Variants in SP140L observed in about 807,000 individuals in gnomAD.
SP140L encodes the protein nuclear body protein SP140-like protein.
SP140L carries 64 observed loss-of-function variants against 84.3 expected under a neutral mutation model. That is an observed-to-expected ratio of 0.76 (90% CI 0.62 to 0.94). The LOEUF (loss-of-function observed/expected upper bound fraction) is 0.94, where lower values mean the gene tolerates loss of function less well. Among genes scored for constraint, SP140L ranks in the 40% least tolerant of loss-of-function variants. The probability of loss-of-function intolerance (pLI) is 0.00; values close to 1 mark genes in which losing one functional copy is unlikely to be tolerated. For synonymous variants in SP140L, 242 were observed against 236.9 expected, an observed-to-expected ratio of 1.02 and a Z score of -0.20; for missense variants, 628 against 692.5, an observed-to-expected ratio of 0.91 and a Z score of 1.05.
At chr2:230,360,815 A>G (rs1352460814) in intron 4 of SP140L, among the ~76,000 whole-genome samples, 2 of 152,132 alleles carry the variant, frequency 1.3e-5, no homozygotes, top group African/African-American at 4.8e-5. Flanking sequence ...GCTGAAGTCC[A>G]CACAGGCTGC....
chr2:230,359,204 T>C, intron 4 of SP140L, 72 bp downstream of exon 4: 2 of 1,340,914 alleles, frequency 1.5e-6, no homozygotes, highest in Non-Finnish European at 2.1e-6. Context: ...TTTGAGCTCC[T>C]ACCATGTGCG....
chr2:230,364,674 G>T (rs1041681463), intron 5 of SP140L, among the ~76,000 whole-genome samples: 4 of 151,982 alleles, frequency 2.6e-5, no homozygotes, highest in Admixed American at 2.6e-4. Context: ...TTGCAGTACT[G>T]TGTTGACTAG....
At chr2:230,361,211 C>T (rs573907798) in intron 4 of SP140L, among the ~76,000 whole-genome samples, 14 of 152,286 alleles carry the variant, frequency 9.2e-5, no homozygotes, top group African/African-American at 3.1e-4. Context: ...GTCACCATCC[C>T]ACAGTTCTAC....
intron 4 of SP140L, among the ~76,000 whole-genome samples, chr2:230,359,600 G>A (rs533512304): frequency 6.6e-6 from 1 of 152,054 alleles, no homozygotes; most frequent in Non-Finnish European, 1.5e-5. Flanking sequence ...TAGCTTTCAG[G>A]GTGCCACAGG....
At chr2:230,333,782 T>A (rs2059792000) in intron 2 of SP140L, among the ~76,000 whole-genome samples, 1 of 152,138 alleles carries the variant, frequency 6.6e-6, no homozygotes, top group Non-Finnish European at 1.5e-5. Context: ...CAATCTTGTA[T>A]GTCTTCTTCT....
At chr2:230,402,017 C>G (rs1305734793) in intron 18 of SP140L, among the ~76,000 whole-genome samples, 2 of 152,190 alleles carry the variant, frequency 1.3e-5, no homozygotes, top group East Asian at 1.9e-4. Context: ...AACCCCAGGT[C>G]TCTGAGAGCT....
Position 230,370,980 on chromosome 2 carries a change from G to T in SP140L, c.583+13G>T, listed in dbSNP as rs2061047949. ...TGTGGCAAAATGGGTAAGGCTGCCT[G>T]AGGGCTGTGGGATGGGGTGGCTCAG... On this transcript the variant is annotated intron_variant, in intron 6 of 18. Transcript: ENST00000415673. The T allele has an allele frequency of 6.2e-7, 1 of 1,613,200 alleles. No individual in the cohort carries two copies. The highest frequency in any genetic ancestry group is 8.5e-7 in the Non-Finnish European group (1 of 1,179,388).
intron 2 of SP140L, among the ~76,000 whole-genome samples, chr2:230,354,909 A>AAAGGAAAG (rs1559420492): frequency 3.7e-4 from 50 of 136,074 alleles, no homozygotes; most frequent in African/African-American, 1.2e-3. Context: ...AAAGAGAAAG[A>AAAGGAAAG]AGAAAGAAAA....
chr2:230,341,557 G>T (rs2060043971), intron 2 of SP140L, among the ~76,000 whole-genome samples: 1 of 151,394 alleles, frequency 6.6e-6, no homozygotes, highest in Admixed American at 6.6e-5. Context: ...CTTTGGAGGA[G>T]GAGAGGTGCT....
chr2:230,400,103 C>G (rs201878071), intron 14 of SP140L, 24 bp from the exon 15 acceptor site: 1 of 1,612,558 alleles, frequency 6.2e-7, no homozygotes, highest in Non-Finnish European at 8.5e-7. Flanking sequence ...TTCCCAGTGA[C>G]GTGGACACTG....
chr2:230,369,728 C>A (rs983081933), intron 5 of SP140L, among the ~76,000 whole-genome samples: 1 of 152,054 alleles, frequency 6.6e-6, no homozygotes, highest in African/African-American at 2.4e-5. Context: ...CCAATTAGGA[C>A]AAGTTGAAAC....
chr2:230,401,348 G>C lies in SP140L; in HGVS notation c.1423-18G>C, dbSNP rs752771242. The C allele has an allele frequency of 9.4e-6, 15 of 1,595,676 alleles. No homozygotes were observed. Among genetic ancestry groups the C allele is most frequent in the Non-Finnish European group, 1.2e-5 (14 of 1,172,646 alleles). ...TCTCTCCAAGCTGCTTTTCATTTACGGCCTCTTTCTTTTGCAGAAATGTGA... is the reference window on the plus strand; with the variant it reads ...TCTCTCCAAGCTGCTTTTCATTTACCGCCTCTTTCTTTTGCAGAAATGTGA... On this transcript the variant is annotated intron_variant, in intron 16 of 18. Transcript: ENST00000415673.
In SP140L at chr2:230,400,153, G is replaced by A. The variant is rs775010707; in HGVS notation, c.1224G>A (p.Val408=). ...PCMRNLDECE[V]CRDGGELFCC... is the part of the protein sequence containing the mutation. ...TGAGAAACTTGGATGAGTGTGAGGT[G>A]TGCCGGGACGGAGGGGAGCTGTTCT... The change falls in exon 15 of 19, where the codon GTG becomes GTA. Residue 408 remains valine (V), a synonymous_variant. Coordinates refer to ENST00000415673, the MANE Select transcript of SP140L (RefSeq NM_138402.6). The A allele has an allele frequency of 1.1e-5, 17 of 1,614,210 alleles. No individual in the cohort carries two copies. In the South Asian group the frequency reaches 1.6e-4, roughly 16 times the overall value.
chr2:230,364,012 A>G (rs371419661), intron 5 of SP140L, among the ~76,000 whole-genome samples: 1 of 151,944 alleles, frequency 6.6e-6, no homozygotes, highest in Non-Finnish European at 1.5e-5. Context: ...ATTTTGTTCC[A>G]TTTGTCTATG....
intron 10 of SP140L, 80 bp downstream of exon 10, chr2:230,388,713 A>G (rs1471028495): frequency 8.2e-7 from 1 of 1,213,902 alleles, no homozygotes; most frequent in Admixed American, 2.8e-5. Context: ...TCAGTAATAA[A>G]CCTATTTCTT....
At chr2:230,367,294 T>C (rs2060912887) in intron 5 of SP140L, among the ~76,000 whole-genome samples, 2 of 107,352 alleles carry the variant, frequency 1.9e-5, no homozygotes, top group South Asian at 3.8e-4. Flanking sequence ...TTCTTTTTTT[T>C]CTTTTTTTTT....
chr2:230,382,138 C>A (rs1012176272), intron 7 of SP140L, among the ~76,000 whole-genome samples: 2 of 152,094 alleles, frequency 1.3e-5, no homozygotes, highest in Admixed American at 1.3e-4. Flanking sequence ...CCTCTTTGTC[C>A]ATGACACCAA....
At chr2:230,366,942 A>G (rs1305914450) in intron 5 of SP140L, among the ~76,000 whole-genome samples, 1 of 151,964 alleles carries the variant, frequency 6.6e-6, no homozygotes, top group Non-Finnish European at 1.5e-5. Flanking sequence ...CATGTTACCC[A>G]GGCTGGTCTC....
intron 8 of SP140L, among the ~76,000 whole-genome samples, chr2:230,384,365 T>C (rs1439935335): frequency 6.6e-6 from 1 of 152,156 alleles, no homozygotes; most frequent in Non-Finnish European, 1.5e-5. Flanking sequence ...TAATTATATA[T>C]GTTATTTATT....
Sources: gnomAD v4.1 joint callset for allele counts (sites outside exome capture counted in the v4.1 genomes callset) on GRCh38, gnomAD v4.1.1 for gene constraint, MANE v1.5 for transcripts, NCBI Gene and HGNC (gene_info 2026-07-23, HGNC 2026-07-21) for gene names.